The following GALNT17 variants were observed in gnomAD, a reference collection of about 807,000 sequenced individuals.
The protein encoded by GALNT17 is UDP-GalNAc:polypeptide N-acetylgalactosaminyltransferase-like 3.
A neutral mutation model predicts 63.7 loss-of-function variants in GALNT17; 29 were observed. That is an observed-to-expected ratio of 0.46 (90% CI 0.34 to 0.62). The LOEUF (loss-of-function observed/expected upper bound fraction) is 0.62, where lower values mean the gene tolerates loss of function less well. Among genes scored for constraint, GALNT17 ranks in the 20% least tolerant of loss-of-function variants. The pLI is 0.01. For missense variants in GALNT17, 603 were observed against 799.6 expected (o/e 0.75, Z 2.97); for synonymous variants, 305 against 318.3 (o/e 0.96, Z 0.45).
intron 1 of GALNT17, among the ~76,000 whole-genome samples, chr7:71,286,982 ACGGAACT>A (rs1790886176): frequency 6.6e-6 from 1 of 151,922 alleles, no homozygotes; most frequent in Non-Finnish European, 1.5e-5. Context: ...TTATAGAGAC[ACGGAACT>A]CCCCATGTTG....
intron 5 of GALNT17, among the ~76,000 whole-genome samples, chr7:71,564,485 CAT>C (rs1292571798): frequency 6.6e-6 from 1 of 151,732 alleles, no homozygotes; most frequent in Non-Finnish European, 1.5e-5. Flanking sequence ...TGGGGTTTCA[CAT>C]GTTGGCCAGG....
intron 6 of GALNT17, among the ~76,000 whole-genome samples, chr7:71,583,445 GC>G (rs1460097103): frequency 2.0e-5 from 3 of 152,122 alleles, no homozygotes; most frequent in Middle Eastern, 3.2e-3. Flanking sequence ...GGCCCCCGTA[GC>G]CCCTCCCTAG....
At chr7:71,227,594 C>G (rs149874747) in intron 1 of GALNT17, among the ~76,000 whole-genome samples, 172 of 152,182 alleles carry the variant, frequency 1.1e-3, no homozygotes, top group Non-Finnish European at 2.0e-3. Flanking sequence ...CCTCCTACCC[C>G]CCTTGCTAGA....
At chr7:71,276,246 G>A (rs1224282780) in intron 1 of GALNT17, among the ~76,000 whole-genome samples, 1 of 151,942 alleles carries the variant, frequency 6.6e-6, no homozygotes, top group Non-Finnish European at 1.5e-5. Flanking sequence ...GGGTGGGGGT[G>A]GTCCATAAGA....
intron 1 of GALNT17, among the ~76,000 whole-genome samples, chr7:71,308,287 G>T (rs1791345186): frequency 1.3e-5 from 2 of 151,998 alleles, no homozygotes; most frequent in Admixed American, 6.6e-5. Flanking sequence ...GCCAGTGCCG[G>T]GACCAAGGCA....
At chr7:71,695,216 T>A (rs537036201) in intron 9 of GALNT17, among the ~76,000 whole-genome samples, 1 of 152,156 alleles carries the variant, frequency 6.6e-6, no homozygotes, top group Admixed American at 6.5e-5. Flanking sequence ...CCACAGGTCA[T>A]GTGGGCCAGA....
At chr7:71,631,814 G>A (rs1197645853) in intron 6 of GALNT17, among the ~76,000 whole-genome samples, 3 of 152,146 alleles carry the variant, frequency 2.0e-5, no homozygotes, top group Non-Finnish European at 2.9e-5. Context: ...TTCACTGGTC[G>A]CAGGGTGCCC....
intron 2 of GALNT17, among the ~76,000 whole-genome samples, chr7:71,370,274 G>A (rs1583896854): frequency 6.6e-6 from 1 of 152,302 alleles, no homozygotes; most frequent in East Asian, 1.9e-4. Context: ...CACCAACAGA[G>A]GAAAGTCTCC....
chr7:71,345,530 C>T (rs1227240513), intron 2 of GALNT17, among the ~76,000 whole-genome samples: 1 of 152,104 alleles, frequency 6.6e-6, no homozygotes, highest in Non-Finnish European at 1.5e-5. Flanking sequence ...GCATGATGAC[C>T]CTGTGGAGCA....
intron 5 of GALNT17, among the ~76,000 whole-genome samples, chr7:71,560,196 A>AG (rs1416719915): frequency 6.7e-5 from 1 of 15,022 alleles, no homozygotes; most frequent in East Asian, 3.4e-4. Context: ...TCCATCTCAA[A>AG]AAAAAAAAAA....
In GALNT17 at chr7:71,710,896, A is replaced by G; in HGVS notation, c.1636A>G (p.Ser546Gly). ...GCTCCTGGACTGCGACAAGGTCAAGAGCAGCCTGTACAAGCGCTGGAACTT... is the reference window on the plus strand; with the variant it reads ...GCTCCTGGACTGCGACAAGGTCAAGGGCAGCCTGTACAAGCGCTGGAACTT... ...PQLLDCDKVK[S>G]SLYKRWNFIQ... The change falls in exon 10 of 11, where the codon AGC becomes GGC. Residue 546 changes from serine to glycine, a missense_variant. By Grantham distance (56) the Ser-to-Gly change is moderately conservative. This residue lies in a region of GALNT17 where 72 missense variants were observed against 76.9 expected (regional missense o/e 0.94). Transcript: ENST00000333538. The G allele has an allele frequency of 1.2e-6, 2 of 1,613,958 alleles. No individual in the cohort carries two copies. The highest frequency in any genetic ancestry group is 1.7e-6 in the Non-Finnish European group (2 of 1,180,020).
intron 5 of GALNT17, among the ~76,000 whole-genome samples, chr7:71,458,111 G>A (rs1379610202): frequency 6.6e-6 from 1 of 152,128 alleles, no homozygotes; most frequent in Non-Finnish European, 1.5e-5. Context: ...GTCACCTGCT[G>A]CCAGGGCTCA....
chr7:71,379,299 T>C (rs1792800878), intron 2 of GALNT17, among the ~76,000 whole-genome samples: 1 of 151,998 alleles, frequency 6.6e-6, no homozygotes, highest in East Asian at 1.9e-4. Context: ...GGAGAGGCGA[T>C]GAGGTTGGAG....
chr7:71,483,000 C>T (rs900078758), intron 5 of GALNT17, among the ~76,000 whole-genome samples: 16 of 152,144 alleles, frequency 1.1e-4, no homozygotes, highest in Admixed American at 1.0e-3. Context: ...AAGCTTTGCT[C>T]GCCTGCGGGC....
Position 71,288,270 on chromosome 7 carries a change from A to G in GALNT17, c.239-47280A>G, listed in dbSNP as rs150792501. ...CGAAGAGAAAATCCATGTGCTGTTC[A>G]TTAAATAGAAGTGTATCGTCATAAA... On this transcript the variant is annotated intron_variant, in intron 1 of 10. Coordinates refer to ENST00000333538, the MANE Select transcript of GALNT17 (RefSeq NM_022479.3). Among the ~76,000 whole-genome samples, 90 of 151,000 alleles carry G rather than the reference A, an allele frequency of 6.0e-4. No individual in the cohort carries two copies. The East Asian group carries it at 0.011, about 19-fold the overall frequency.
intron 3 of GALNT17, among the ~76,000 whole-genome samples, chr7:71,408,795 C>G (rs1793374825): frequency 6.6e-6 from 1 of 152,052 alleles, no homozygotes; most frequent in Non-Finnish European, 1.5e-5. Context: ...ATCGCTTGAG[C>G]TCAGGAGGTC....
intron 3 of GALNT17, among the ~76,000 whole-genome samples, chr7:71,414,805 A>G (rs989900944): frequency 6.6e-6 from 1 of 152,182 alleles, no homozygotes; most frequent in Non-Finnish European, 1.5e-5. Flanking sequence ...AACCCTGGTC[A>G]GCAGGCGGGA....
intron 1 of GALNT17, among the ~76,000 whole-genome samples, chr7:71,153,014 A>C (rs1229470432): frequency 1.3e-5 from 2 of 152,152 alleles, no homozygotes; most frequent in African/African-American, 4.8e-5. Context: ...AGAAAGTTTG[A>C]CAGCATTGAC....
At chr7:71,148,862 A>T (rs1314696786) in intron 1 of GALNT17, among the ~76,000 whole-genome samples, 12 of 102,170 alleles carry the variant, frequency 1.2e-4, no homozygotes, top group African/African-American at 2.0e-4. Flanking sequence ...TGGTATTTTT[A>T]TATATATATA....
Sources: allele counts gnomAD v4.1 joint callset (sites outside exome capture counted in the v4.1 genomes callset), GRCh38; gene constraint gnomAD v4.1.1; regional missense constraint gnomAD v4.1.1; transcripts MANE v1.5; gene names NCBI Gene and HGNC (gene_info 2026-07-23, HGNC 2026-07-21).